Variants in TMEM132B observed in about 807,000 individuals in gnomAD.
TMEM132B encodes transmembrane protein 132B.
In TMEM132B, 18 loss-of-function variants were observed where a neutral mutation model predicts 90.8. The ratio of observed to expected loss-of-function variants is 0.20; its 90% CI spans 0.14 to 0.29. TMEM132B has a LOEUF of 0.29. TMEM132B is among the 10% of genes least tolerant of loss of function. TMEM132B has a pLI of 1.00. For missense variants in TMEM132B, 1,096 were observed against 1,326.8 expected (o/e 0.83, Z 2.70); for synonymous variants, 504 against 523.3 (o/e 0.96, Z 0.50).
At chr12:125,587,635 C>T (rs1006195834) in intron 5 of TMEM132B, 1 of 152,128 alleles carries the variant, frequency 6.6e-6, no homozygotes, top group Non-Finnish European at 1.5e-5. Flanking sequence ...TCCACCACTC[C>T]CTTTTGTCTT....
rs191352283 is a variant in TMEM132B at position 125,440,910 on chromosome 12, C to T, written c.1106+25233C>T. Among the ~76,000 whole-genome samples the T allele has an allele frequency of 1.3e-4, 20 of 152,318 alleles. No individual in the cohort carries two copies. In the East Asian group the frequency reaches 3.3e-3, roughly 25 times the overall value. On this transcript the variant is annotated intron_variant, in intron 3 of 8. Coordinates refer to ENST00000682704, the MANE Select transcript of TMEM132B (RefSeq NM_001366854.1). ...TGCTCAGTGTAGAAGGGGCTATGCT[C>T]TCTCGTTTCCCACAATCCCCTCTGC... is the stretch of plus-strand genomic sequence containing the variant.
chr12:125,273,189 A>G (rs1038693299), intron 1 of TMEM132B, among the ~76,000 whole-genome samples: 2 of 152,134 alleles, frequency 1.3e-5, no homozygotes, highest in Non-Finnish European at 2.9e-5. Context: ...TATATATGTA[A>G]TTCTGTTTTT....
At chr12:125,365,132 G>C (rs775318292) in intron 2 of TMEM132B, among the ~76,000 whole-genome samples, 38 of 151,188 alleles carry the variant, frequency 2.5e-4, no homozygotes, top group Non-Finnish European at 8.9e-5. Context: ...TTCTTTTCCT[G>C]CTTTTTTTTT....
intron 4 of TMEM132B, among the ~76,000 whole-genome samples, chr12:125,575,637 G>A (rs967005126): frequency 6.6e-6 from 1 of 151,884 alleles, no homozygotes; most frequent in African/African-American, 2.4e-5. Context: ...TATTTGCTGA[G>A]TCTGAAGTCA....
intron 2 of TMEM132B, among the ~76,000 whole-genome samples, chr12:125,362,481 A>G (rs1877989917): frequency 6.6e-6 from 1 of 152,212 alleles, no homozygotes; most frequent in Non-Finnish European, 1.5e-5. Flanking sequence ...TTGACATGAA[A>G]TCGACCCTAT....
intron 1 of TMEM132B, among the ~76,000 whole-genome samples, chr12:125,299,091 C>T (rs182544362): frequency 3.9e-5 from 6 of 152,164 alleles, no homozygotes; most frequent in South Asian, 2.1e-4. Context: ...CCTCAAACTC[C>T]GGGCTCAAGC....
At chr12:125,520,107 C>T (rs1432067931) in intron 4 of TMEM132B, among the ~76,000 whole-genome samples, 1 of 152,096 alleles carries the variant, frequency 6.6e-6, no homozygotes, top group Admixed American at 6.5e-5. Context: ...GGGTAGAGCC[C>T]CAGAGTCCAC....
intron 1 of TMEM132B, among the ~76,000 whole-genome samples, chr12:125,329,008 C>G (rs1287407238): frequency 1.3e-5 from 2 of 152,148 alleles, no homozygotes; most frequent in African/African-American, 4.8e-5. Context: ...TGAATGTTCG[C>G]ATTCTCCCCC....
At chr12:125,324,222 GTAAA>G (rs1302870979) in intron 1 of TMEM132B, among the ~76,000 whole-genome samples, 3 of 152,184 alleles carry the variant, frequency 2.0e-5, no homozygotes, top group African/African-American at 4.8e-5. Flanking sequence ...TGAAGGTCTA[GTAAA>G]TAAATATATT....
intron 2 of TMEM132B, among the ~76,000 whole-genome samples, chr12:125,352,806 C>T (rs901406507): frequency 6.6e-6 from 1 of 152,204 alleles, no homozygotes; most frequent in African/African-American, 2.4e-5. Flanking sequence ...TGGAGTTGTG[C>T]TTATTCAGAT....
intron 1 of TMEM132B, among the ~76,000 whole-genome samples, chr12:125,192,991 GGCGT>G (rs1872832092): frequency 2.0e-5 from 3 of 152,136 alleles, no homozygotes; most frequent in African/African-American, 4.8e-5. Context: ...AAACAACAAC[GGCGT>G]GCTGATGCCA....
intron 5 of TMEM132B, among the ~76,000 whole-genome samples, chr12:125,638,749 A>G (rs532685463): frequency 3.9e-5 from 6 of 152,304 alleles, no homozygotes; most frequent in Non-Finnish European, 8.8e-5. Flanking sequence ...TGCACAGATT[A>G]AATTCTTGCT....
intron 4 of TMEM132B, among the ~76,000 whole-genome samples, chr12:125,581,342 A>G (rs1885048535): frequency 6.6e-6 from 1 of 152,242 alleles, no homozygotes; most frequent in South Asian, 2.1e-4. Flanking sequence ...AAAACAGTTA[A>G]TTTTGTATAC....
intron 1 of TMEM132B, among the ~76,000 whole-genome samples, chr12:125,283,734 A>G (rs1037633224): frequency 5.9e-5 from 9 of 152,260 alleles, no homozygotes; most frequent in African/African-American, 2.2e-4. Context: ...GATGCATTCC[A>G]GTGCATTCCA....
rs78793211 is a variant in TMEM132B, at chr12:125,257,725, G to A, written c.67+70859G>A. ...GGTGGGCCCTAAATGTAGTCAAAGT[G>A]TTAGAGGTGGGCAGATAGAGATTTG... On this transcript the variant is annotated intron_variant, in intron 1 of 8. Coordinates refer to ENST00000682704, the MANE Select transcript of TMEM132B (RefSeq NM_001366854.1). 3.3e-4 allele frequency among the ~76,000 whole-genome samples: 50 copies of A among 152,332 alleles called. No individual in the cohort carries two copies. In the East Asian group the frequency reaches 9.6e-3, roughly 29 times the overall value.
chr12:125,643,392 T>C, intron 5 of TMEM132B, among the ~76,000 whole-genome samples: 1 of 152,232 alleles, frequency 6.6e-6, no homozygotes, highest in Non-Finnish European at 1.5e-5. Context: ...CACAATTTAT[T>C]TGCTTATCCT....
intron 2 of TMEM132B, among the ~76,000 whole-genome samples, chr12:125,350,655 C>T (rs958151967): frequency 2.0e-5 from 3 of 152,190 alleles, no homozygotes; most frequent in Non-Finnish European, 4.4e-5. Context: ...AGGCCAGCTG[C>T]GTCTGCTGGC....
intron 1 of TMEM132B, among the ~76,000 whole-genome samples, chr12:125,238,366 C>CAAAAAAAAAAAAAAAAAAA (rs762032967): frequency 5.4e-5 from 6 of 111,578 alleles, no homozygotes; most frequent in Admixed American, 9.4e-5. Flanking sequence ...AAAAAAAAAC[C>CAAAAAAAAAAAAAAAAAAA]AAAAAAAAAA....
intron 3 of TMEM132B, among the ~76,000 whole-genome samples, chr12:125,468,522 C>A (rs1881629318): frequency 6.6e-6 from 1 of 152,170 alleles, no homozygotes; most frequent in Non-Finnish European, 1.5e-5. Context: ...GGTGAAGAGA[C>A]TCTTCTTTCC....
Sources: allele counts gnomAD v4.1 joint callset (sites outside exome capture counted in the v4.1 genomes callset), GRCh38; gene constraint gnomAD v4.1.1; transcripts MANE v1.5; gene names NCBI Gene and HGNC (gene_info 2026-07-23, HGNC 2026-07-21).